The following SNRNP40 variants were observed in gnomAD, a reference collection of about 807,000 sequenced individuals.
SNRNP40 encodes the protein small nuclear ribonucleoprotein U5 subunit 40.
Under a neutral mutation model 45.8 loss-of-function variants are expected in SNRNP40, and 21 were observed. The ratio of observed to expected loss-of-function variants is 0.46; its 90% CI spans 0.32 to 0.66. The LOEUF (loss-of-function observed/expected upper bound fraction) is 0.66, where lower values mean the gene tolerates loss of function less well. Ranked by LOEUF, SNRNP40 falls within the 30% of genes least tolerant of loss-of-function variation. The pLI is 0.03. For synonymous variants in SNRNP40, 142 were observed against 163.8 expected, an observed-to-expected ratio of 0.87 and a Z score of 1.01; for missense variants, 344 against 439.1, an observed-to-expected ratio of 0.78 and a Z score of 1.94.
rs200458920 is a variant in SNRNP40 at position 31,277,577 on chromosome 1, AG to A, written c.654+3796del. On this transcript the variant is annotated intron_variant, in intron 5 of 9. Coordinates refer to ENST00000263694, the MANE Select transcript of SNRNP40 (RefSeq NM_004814.3). ...TTAGAAAAGAGAATACAATATATAC[AG>A]TACACAAACAAGGAGACTGTCTCAG... 4.8e-3 allele frequency among the ~76,000 whole-genome samples: 733 copies of A among 152,378 alleles called. 10 individuals are homozygous for A. Among genetic ancestry groups the A allele is most frequent in the African/African-American group, 0.016 (681 of 41,588 alleles).
In SNRNP40 at chr1:31,259,977, G is replaced by T; in HGVS notation, c.*95C>A. Reference sequence around the variant, plus strand: ...TTCTTGCTAGCAATGGTCATCTGAAGGGAGGGTGCTAGCCTGGACATCCAA... The same window carrying T: ...TTCTTGCTAGCAATGGTCATCTGAATGGAGGGTGCTAGCCTGGACATCCAA... On this transcript the variant is annotated 3_prime_UTR_variant, in exon 10 of 10. Transcript: ENST00000263694. 1 of 898,686 alleles carries T rather than the reference G, an allele frequency of 1.1e-6. No homozygotes were observed. The highest frequency in any genetic ancestry group is 1.9e-6 in the Non-Finnish European group (1 of 531,300). 55.7% of individuals were successfully genotyped at this position (898,686 alleles called of 1,614,324 possible).
intron 1 of SNRNP40, among the ~76,000 whole-genome samples, chr1:31,294,959 A>T (rs1405717769): frequency 6.6e-6 from 1 of 151,510 alleles, no homozygotes; most frequent in African/African-American, 2.4e-5. Context: ...AAAAAAAAGA[A>T]GTTACGTGCT....
intron 1 of SNRNP40, 136 bp downstream of exon 1, chr1:31,296,475 T>A (rs550090653): frequency 8.3e-7 from 1 of 1,211,386 alleles, no homozygotes; most frequent in East Asian, 2.5e-5. Context: ...TTTTACAGTG[T>A]TTATGTGCTT....
chr1:31,284,094 A>G (rs1646038620), intron 4 of SNRNP40, among the ~76,000 whole-genome samples: 1 of 152,122 alleles, frequency 6.6e-6, no homozygotes, highest in Non-Finnish European at 1.5e-5. Flanking sequence ...GTGGTGGTAT[A>G]TGCCTATAGT....
intron 8 of SNRNP40, among the ~76,000 whole-genome samples, chr1:31,265,977 T>A (rs1199559335): frequency 6.6e-6 from 1 of 152,250 alleles, no homozygotes; most frequent in African/African-American, 2.4e-5. Context: ...AGCAACTTGA[T>A]AACTTAAAAT....
chr1:31,282,738 C>T (rs886771547), intron 4 of SNRNP40, among the ~76,000 whole-genome samples: 4 of 152,162 alleles, frequency 2.6e-5, no homozygotes, highest in South Asian at 2.1e-4. Flanking sequence ...TGCGGTGGTG[C>T]GATCTTGGCT....
Position 31,275,435 on chromosome 1 carries a change from T to TCCGGG in SNRNP40, c.655-3937_655-3936insCCCGG, listed in dbSNP as rs33956390. 2.6e-4 allele frequency among the ~76,000 whole-genome samples: 40 copies of TCCGGG among 152,162 alleles called. No individual in the cohort carries two copies. The South Asian group carries it at 4.6e-3, about 17-fold the overall frequency. ...ATCAGGACAGAGTCTCACTCTGTCA[T>TCCGGG]CTGGAGTGCAGTGGTGCAATCTTGG... is the stretch of plus-strand genomic sequence containing the variant. On this transcript the variant is annotated intron_variant, in intron 5 of 9. Coordinates refer to ENST00000263694, the MANE Select transcript of SNRNP40 (RefSeq NM_004814.3).
intron 5 of SNRNP40, among the ~76,000 whole-genome samples, chr1:31,278,734 T>C (rs1645992844): frequency 6.6e-6 from 1 of 152,194 alleles, no homozygotes; most frequent in Non-Finnish European, 1.5e-5. Flanking sequence ...GGGGATACTG[T>C]ACAGCTAGTT....
At chr1:31,295,058 A>G (rs1646132838) in intron 1 of SNRNP40, among the ~76,000 whole-genome samples, 1 of 152,162 alleles carries the variant, frequency 6.6e-6, no homozygotes, top group African/African-American at 2.4e-5. Flanking sequence ...AAGGTGAGAG[A>G]AAACAAGCAA....
At chr1:31,269,465 G>GA in intron 6 of SNRNP40, 3 of 1,079,230 alleles carry the variant, frequency 2.8e-6, no homozygotes, top group African/African-American at 3.2e-5. Flanking sequence ...GGGCAGGAAG[G>GA]AAAAATGTCA....
At chr1:31,292,121 G>T (rs990592806) in intron 2 of SNRNP40, 115 bp from the exon 3 acceptor site, 5 of 587,088 alleles carry the variant, frequency 8.5e-6, no homozygotes, top group South Asian at 1.9e-5. Flanking sequence ...CCAGCACTTT[G>T]GGAGGCCGAG....
intron 5 of SNRNP40, among the ~76,000 whole-genome samples, chr1:31,275,855 T>A (rs955800832): frequency 6.6e-6 from 1 of 152,240 alleles, no homozygotes; most frequent in African/African-American, 2.4e-5. Flanking sequence ...GAAAACAATA[T>A]GGCAGCCTGT....
chr1:31,269,350 C>T (rs1304390272), intron 6 of SNRNP40, 110 bp from the exon 7 acceptor site: 20 of 1,516,028 alleles, frequency 1.3e-5, no homozygotes, highest in Admixed American at 4.7e-5. Flanking sequence ...GATGCTGTTT[C>T]CTCGGTGGGC....
At chr1:31,284,338 G>A (rs1245838156) in intron 4 of SNRNP40, among the ~76,000 whole-genome samples, 8 of 152,272 alleles carry the variant, frequency 5.3e-5, no homozygotes, top group Non-Finnish European at 7.4e-5. Flanking sequence ...TAGAAGAGAC[G>A]GGGGTTTCAC....
At chr1:31,289,223 A>AGAAACTGGAACACG in intron 4 of SNRNP40, 31 bp downstream of exon 4, 1 of 1,607,972 alleles carries the variant, frequency 6.2e-7, no homozygotes, top group South Asian at 1.1e-5. Context: ...ACATCACCTC[A>AGAAACTGGAACACG]GAAACTGGAA....
In SNRNP40 at chr1:31,292,025, CTG is replaced by C; in HGVS notation, c.272-21_272-20del. On this transcript the variant is annotated intron_variant, in intron 2 of 9. Coordinates refer to ENST00000263694, the MANE Select transcript of SNRNP40 (RefSeq NM_004814.3). Reference sequence around the variant, plus strand: ...CACAGTACTGTTAGGGAGATGGGTTCTGTGAGCATTACTAGGCAAAGGGTACT... The same window carrying C: ...CACAGTACTGTTAGGGAGATGGGTTCTGAGCATTACTAGGCAAAGGGTACT... 1 of 1,497,348 alleles carries C rather than the reference CTG, an allele frequency of 6.7e-7. No homozygotes were observed. Among genetic ancestry groups the C allele is most frequent in the South Asian group, 1.1e-5 (1 of 88,782 alleles). The allele number at this position is 1,497,348 out of a possible 1,614,324, so 92.8% of individuals were successfully genotyped here.
chr1:31,280,735 A>G (rs1646010899), intron 5 of SNRNP40, among the ~76,000 whole-genome samples: 1 of 151,772 alleles, frequency 6.6e-6, no homozygotes, highest in African/African-American at 2.4e-5. Context: ...AGGCTCATTT[A>G]ATCCCCACAA....
Position 31,260,119 on chromosome 1 carries a change from T to A in SNRNP40, c.1027A>T (p.Ile343Phe), listed in dbSNP as rs375822848. 6.3e-7 allele frequency: 1 copy of A among 1,590,238 alleles called. No homozygotes were observed. Among genetic ancestry groups the A allele is most frequent in the Non-Finnish European group, 8.6e-7 (1 of 1,167,598 alleles). ...AGTCTCTTGTCACTCGATGCTGAGA[T>A]AACTGAGGTAAAAAGAACAGATAAC... Reference protein sequence around the residue: ...VAFHPDEPIIISASSDKRLYM... With the variant: ...VAFHPDEPIIFSASSDKRLYM... The change falls in exon 10 of 10, where the codon ATC becomes TTC. Residue 343 changes from isoleucine to phenylalanine, a missense_variant and splice_region_variant. By Grantham distance (21) the Ile-to-Phe change is conservative (BLOSUM62 0). This residue lies in a region of SNRNP40 where 254 missense variants were observed against 380.2 expected (regional missense o/e 0.67). Coordinates refer to ENST00000263694, the MANE Select transcript of SNRNP40 (RefSeq NM_004814.3).
chr1:31,265,625 G>A (rs1176406146), intron 8 of SNRNP40, among the ~76,000 whole-genome samples: 7 of 152,138 alleles, frequency 4.6e-5, no homozygotes, highest in Non-Finnish European at 1.0e-4. Context: ...CGGATCATGA[G>A]GTCAGGAGAT....
Sources: allele counts gnomAD v4.1 joint callset (sites outside exome capture counted in the v4.1 genomes callset), GRCh38; gene constraint gnomAD v4.1.1; regional missense constraint gnomAD v4.1.1; transcripts MANE v1.5; gene names NCBI Gene and HGNC (gene_info 2026-07-23, HGNC 2026-07-21).